ZNF518A: variants seen among roughly 807,000 people sequenced by gnomAD.
ZNF518A encodes zinc finger protein 518A.
A neutral mutation model predicts 102.7 loss-of-function variants in ZNF518A; 47 were observed. That is an observed-to-expected ratio of 0.46 (90% CI 0.36 to 0.58). ZNF518A has a LOEUF of 0.58. ZNF518A is among the 20% of genes least tolerant of loss of function. The pLI, the probability that ZNF518A is intolerant of heterozygous loss-of-function variation, is 0.00. For missense variants in ZNF518A, 1,793 were observed against 1,699.8 expected (o/e 1.05, Z -0.96); for synonymous variants, 652 against 594.6 (o/e 1.10, Z -1.40).
intron 1 of ZNF518A, among the ~76,000 whole-genome samples, chr10:96,174,136 A>G (rs2083189686): frequency 6.6e-6 from 1 of 152,128 alleles, no homozygotes; most frequent in African/African-American, 2.4e-5. Flanking sequence ...AAAAAATAAA[A>G]AAACTTACTG....
intron 1 of ZNF518A, among the ~76,000 whole-genome samples, chr10:96,181,119 G>A (rs1242987669): frequency 6.6e-6 from 1 of 152,204 alleles, no homozygotes; most frequent in African/African-American, 2.4e-5. Context: ...TTTTTCATGT[G>A]TCTGTTGGCT....
intron 1 of ZNF518A, among the ~76,000 whole-genome samples, chr10:96,180,958 C>T (rs1280761108): frequency 2.0e-5 from 3 of 152,206 alleles, no homozygotes; most frequent in Non-Finnish European, 4.4e-5. Context: ...TACACTCCCA[C>T]CAACAGTGTA....
At chr10:96,197,847 C>T (rs765636958) in intron 1 of ZNF518A, among the ~76,000 whole-genome samples, 14 of 149,720 alleles carry the variant, frequency 9.4e-5, no homozygotes, top group African/African-American at 2.7e-4. Flanking sequence ...ACCCAGGAGA[C>T]GGAGTTTGCA....
intron 1 of ZNF518A, among the ~76,000 whole-genome samples, chr10:96,181,913 T>C (rs2083242557): frequency 6.6e-6 from 1 of 152,242 alleles, no homozygotes; most frequent in Non-Finnish European, 1.5e-5. Flanking sequence ...ATTGAATCTA[T>C]AAATTACCTT....
At chr10:96,165,943 C>T (rs1564798667), downstream of ZNF518A, among the ~76,000 whole-genome samples, 1 of 152,106 alleles carries the variant, frequency 6.6e-6, no homozygotes, top group African/African-American at 2.4e-5. Context: ...CAGTCGAAGT[C>T]CAGAAGCCTC....
chr10:96,179,124 C>T (rs1333973060), intron 1 of ZNF518A, among the ~76,000 whole-genome samples: 1 of 151,930 alleles, frequency 6.6e-6, no homozygotes, highest in Non-Finnish European at 1.5e-5. Flanking sequence ...ACCAGTGTTC[C>T]CTATGGATGT....
chr10:96,159,795 A>C lies in ZNF518A; in HGVS notation c.3473A>C (p.Asn1158Thr), dbSNP rs782167217. The change falls in exon 6 of 6, where the codon AAT (asparagine) becomes ACT (threonine). Residue 1158 changes from asparagine to threonine, a missense_variant. Asn to Thr is a moderately conservative substitution (Grantham distance 65, BLOSUM62 0). Coordinates refer to ENST00000316045, the MANE Select transcript of ZNF518A (RefSeq NM_001330736.2). Reference sequence around the variant, plus strand: ...CCTGTTTTAAATGTGACTGCTGCTAATAATCTGTCAGTAAGCAACTCTGCA... The same window carrying C: ...CCTGTTTTAAATGTGACTGCTGCTACTAATCTGTCAGTAAGCAACTCTGCA... ...FNPVLNVTAA[N>T]NLSVSNSASS... 12 of 1,613,586 alleles carry C rather than the reference A, an allele frequency of 7.4e-6. No individual in the cohort carries two copies. Among genetic ancestry groups the C allele is most frequent in the African/African-American group, 1.3e-5 (1 of 74,922 alleles).
At chr10:96,143,448 T>G (rs1490027460) in intron 3 of ZNF518A, among the ~76,000 whole-genome samples, 5 of 152,202 alleles carry the variant, frequency 3.3e-5, no homozygotes, top group African/African-American at 1.2e-4. Flanking sequence ...CTTTATTCTG[T>G]TCTTGTGGTT....
downstream of ZNF518A, among the ~76,000 whole-genome samples, chr10:96,164,165 TC>T (rs1323497196): frequency 1.3e-5 from 2 of 152,216 alleles, no homozygotes; most frequent in African/African-American, 2.4e-5. Flanking sequence ...TAATAGAAGT[TC>T]TTGGGGTGGG....
chr10:96,144,258 T>C (rs1378171867), intron 3 of ZNF518A, among the ~76,000 whole-genome samples: 1 of 152,160 alleles, frequency 6.6e-6, no homozygotes. Context: ...AGTGCTAGGA[T>C]TATAGGCATG....
In ZNF518A at chr10:96,157,540, G is replaced by A. The variant is rs587647796; in HGVS notation, c.1218G>A (p.Glu406=). The A allele has an allele frequency of 5.0e-6, 8 of 1,613,848 alleles. No individual in the cohort carries two copies. In the South Asian group the frequency reaches 8.8e-5, roughly 18 times the overall value. Residue 406 remains glutamate, a synonymous_variant, in exon 6 of 6, where the codon GAG becomes GAA. Transcript: ENST00000316045. The part of the protein sequence containing the change: ...LSTGQGNRAE[E]GPNASSGFMK... ...CTGGGCAAGGTAATAGAGCTGAAGA[G>A]GGACCAAACGCTAGTTCAGGTTTCA...
chr10:96,140,417 C>T (rs1418015133), intron 3 of ZNF518A, among the ~76,000 whole-genome samples: 1 of 152,172 alleles, frequency 6.6e-6, no homozygotes. Flanking sequence ...ATAACATGTT[C>T]TCCCAGCAAA....
chr10:96,157,544 C>T lies in ZNF518A; in HGVS notation c.1222C>T (p.Pro408Ser). The change falls in exon 6 of 6, where the codon CCA (proline) becomes TCA (serine). Residue 408 changes from proline (P) to serine (S), a missense_variant. Physicochemically the swap from Pro to Ser is moderately conservative, Grantham distance 74. This residue lies in a region of ZNF518A where 1,741 missense variants were observed against 1,622.6 expected (regional missense o/e 1.07). Transcript: ENST00000316045. ...GCAAGGTAATAGAGCTGAAGAGGGA[C>T]CAAACGCTAGTTCAGGTTTCATGAA... is the stretch of plus-strand genomic sequence containing the variant. ...TGQGNRAEEGPNASSGFMKTA... is the reference protein window; with the variant it reads ...TGQGNRAEEGSNASSGFMKTA... 2 of 1,613,820 alleles carry T rather than the reference C, an allele frequency of 1.2e-6. No individual in the cohort carries two copies. The highest frequency in any genetic ancestry group is 1.7e-6 in the Non-Finnish European group (2 of 1,179,784).
intron 1 of ZNF518A, among the ~76,000 whole-genome samples, chr10:96,174,175 A>G (rs1183027028): frequency 2.6e-5 from 4 of 152,002 alleles, no homozygotes; most frequent in Non-Finnish European, 4.4e-5. Flanking sequence ...AAAAATGACT[A>G]AAATGGTAAC....
rs1490367665 is a variant in ZNF518A at position 96,144,330 on chromosome 10, A to C, written c.-302+10682A>C. On this transcript the variant is annotated intron_variant, in intron 3 of 5. Coordinates refer to ENST00000316045, the MANE Select transcript of ZNF518A (RefSeq NM_001330736.2). The stretch of plus-strand genomic sequence containing the variant: ...ATTAAAAAAAAAATTGCTTGGAATA[A>C]ATACTGTTCCAAGTCAATTCAGTAC... Among the ~76,000 whole-genome samples, 4 of 152,284 alleles carry C rather than the reference A, an allele frequency of 2.6e-5. No individual in the cohort carries two copies. In the East Asian group the frequency reaches 7.7e-4, roughly 29 times the overall value.
At chr10:96,180,068 G>C (rs989654710) in intron 1 of ZNF518A, among the ~76,000 whole-genome samples, 19 of 151,448 alleles carry the variant, frequency 1.3e-4, no homozygotes, top group African/African-American at 4.6e-4. Context: ...TTAGTAGAGA[G>C]AGGGTTTCAC....
At chr10:96,202,110 G>C (rs1554896363) in intron 1 of ZNF518A, among the ~76,000 whole-genome samples, 2 of 152,142 alleles carry the variant, frequency 1.3e-5, no homozygotes, top group African/African-American at 4.8e-5. Context: ...TAAGAAAAGG[G>C]GAGAAGAGTA....
At chr10:96,189,772 C>A in intron 1 of ZNF518A, 1 of 817,760 alleles carries the variant, frequency 1.2e-6, no homozygotes, top group Non-Finnish European at 2.1e-6. Flanking sequence ...TCTCTGGAAT[C>A]TTGCTACCAC....
chr10:96,156,774 C>G lies in ZNF518A; in HGVS notation c.452C>G (p.Pro151Arg). 6.2e-7 allele frequency: 1 copy of G among 1,613,918 alleles called. No individual in the cohort carries two copies. The change falls in exon 6 of 6, where the codon CCT becomes CGT. Residue 151 changes from proline to arginine, a missense_variant. Coordinates refer to ENST00000316045, the MANE Select transcript of ZNF518A (RefSeq NM_001330736.2). ...MWHHGELPSY[P>R]CEMCNFSAND... Reference sequence around the variant, plus strand: ...CACCATGGCGAATTACCTTCATATCCTTGTGAAATGTGCAACTTTTCAGCA... The same window carrying G: ...CACCATGGCGAATTACCTTCATATCGTTGTGAAATGTGCAACTTTTCAGCA...
Sources: allele counts gnomAD v4.1 joint callset (sites outside exome capture counted in the v4.1 genomes callset), GRCh38; gene constraint gnomAD v4.1.1; regional missense constraint gnomAD v4.1.1; transcripts MANE v1.5; gene names NCBI Gene and HGNC (gene_info 2026-07-23, HGNC 2026-07-21).